Variants in ANKRD55 observed in about 807,000 individuals in gnomAD.
ANKRD55 encodes ankyrin repeat domain-containing protein 55.
ANKRD55 carries 41 observed loss-of-function variants against 60.6 expected under a neutral mutation model. The ratio of observed to expected loss-of-function variants is 0.68; its 90% CI spans 0.53 to 0.88. ANKRD55 has a LOEUF of 0.88. ANKRD55 is among the 40% of genes least tolerant of loss of function. The pLI is 0.00. For missense variants in ANKRD55, 732 were observed against 767.6 expected (o/e 0.95, Z 0.55); for synonymous variants, 264 against 290.3 (o/e 0.91, Z 0.92).
chr5:56,202,944 G>A (rs1561290925), intron 2 of ANKRD55, among the ~76,000 whole-genome samples: 1 of 152,044 alleles, frequency 6.6e-6, no homozygotes, highest in Non-Finnish European at 1.5e-5. Context: ...CTCTTAGAAT[G>A]CACTTTAATA....
At chr5:56,164,174 C>T (rs1017515174) in intron 5 of ANKRD55, among the ~76,000 whole-genome samples, 8 of 152,066 alleles carry the variant, frequency 5.3e-5, no homozygotes, top group African/African-American at 1.9e-4. Flanking sequence ...TCTGGGTCTC[C>T]ACTGATTATC....
intron 9 of ANKRD55, among the ~76,000 whole-genome samples, chr5:56,115,130 T>G (rs1052605411): frequency 2.0e-5 from 3 of 151,272 alleles, no homozygotes; most frequent in African/African-American, 4.9e-5. Flanking sequence ...AGCCCAAGAG[T>G]TCAAGGTTGC....
chr5:56,205,482 T>G (rs1032338500), intron 2 of ANKRD55, among the ~76,000 whole-genome samples: 2 of 152,246 alleles, frequency 1.3e-5, no homozygotes. Flanking sequence ...CACAAGCTAG[T>G]GCGCTCCTTA....
intron 10 of ANKRD55, among the ~76,000 whole-genome samples, chr5:56,107,304 G>A (rs1314630568): frequency 6.6e-6 from 1 of 152,014 alleles, no homozygotes. Context: ...AGAAAAATTG[G>A]TTGAAAAAAA....
chr5:56,169,892 G>A (rs1325645275), intron 5 of ANKRD55, among the ~76,000 whole-genome samples: 1 of 152,196 alleles, frequency 6.6e-6, no homozygotes, highest in Non-Finnish European at 1.5e-5. Context: ...TAGTAGAAAT[G>A]CTGTTAGCAA....
chr5:56,170,910 T>C, intron 4 of ANKRD55, 107 bp from the exon 5 acceptor site: 4 of 1,004,818 alleles, frequency 4.0e-6, no homozygotes, highest in Non-Finnish European at 6.0e-6. Context: ...GTTAAAAACA[T>C]ATTTTATTTG....
chr5:56,106,808 C>CT (rs977397472), intron 10 of ANKRD55, among the ~76,000 whole-genome samples: 1 of 151,866 alleles, frequency 6.6e-6, no homozygotes, highest in Non-Finnish European at 1.5e-5. Context: ...GGGTTCTAGA[C>CT]TAGTCTGGGT....
intron 8 of ANKRD55, 57 bp from the exon 9 acceptor site, chr5:56,116,839 G>A (rs1756902270): frequency 1.4e-6 from 2 of 1,448,480 alleles, no homozygotes; most frequent in South Asian, 1.4e-5. Flanking sequence ...TGTTCAGGCT[G>A]CTTAGCCAGC....
chr5:56,115,403 C>T (rs1361493263), intron 9 of ANKRD55, among the ~76,000 whole-genome samples: 2 of 151,344 alleles, frequency 1.3e-5, no homozygotes, highest in African/African-American at 2.4e-5. Context: ...ACTGCAACCT[C>T]CACCTCCCAG....
At chr5:56,180,663 A>C (rs1298884012) in intron 3 of ANKRD55, among the ~76,000 whole-genome samples, 1 of 152,174 alleles carries the variant, frequency 6.6e-6, no homozygotes, top group Non-Finnish European at 1.5e-5. Context: ...AGTTCTGTAC[A>C]TATTTTATTG....
intron 5 of ANKRD55, among the ~76,000 whole-genome samples, chr5:56,167,383 T>C (rs1758508326): frequency 1.3e-5 from 2 of 152,214 alleles, no homozygotes; most frequent in Admixed American, 6.5e-5. Flanking sequence ...ACAGTAAAAA[T>C]ATGATATAAT....
intron 10 of ANKRD55, among the ~76,000 whole-genome samples, chr5:56,105,597 A>G (rs1265665615): frequency 6.6e-6 from 1 of 152,232 alleles, no homozygotes; most frequent in African/African-American, 2.4e-5. Context: ...AGAAACTGAG[A>G]CATATTCAAG....
chr5:56,173,582 CTATATATA>C (rs1182603115), intron 4 of ANKRD55, among the ~76,000 whole-genome samples: 605 of 45,198 alleles, frequency 0.013, 7 homozygotes, highest in African/African-American at 0.047. Flanking sequence ...CTCTCTCTCT[CTATATATA>C]TATATATATA....
chr5:56,173,578 C>A (rs201587779), intron 4 of ANKRD55, among the ~76,000 whole-genome samples: 14,572 of 68,332 alleles, frequency 0.21, 1,401 homozygotes, highest in Non-Finnish European at 0.23. Context: ...CTCTCTCTCT[C>A]TCTCTATATA....
At chr5:56,154,362 C>CA (rs1758139417) in intron 6 of ANKRD55, among the ~76,000 whole-genome samples, 1 of 151,988 alleles carries the variant, frequency 6.6e-6, no homozygotes, top group African/African-American at 2.4e-5. Context: ...ATTACTTGTT[C>CA]AAAACATTGA....
intron 7 of ANKRD55, among the ~76,000 whole-genome samples, chr5:56,132,424 C>CAAAA (rs34289990): frequency 1.2e-4 from 15 of 120,358 alleles, no homozygotes; most frequent in Admixed American, 3.2e-4. Flanking sequence ...ACTTAAAATA[C>CAAAA]AAAAAAAAAA....
chr5:56,204,758 G>A (rs1759460931), intron 2 of ANKRD55, among the ~76,000 whole-genome samples: 1 of 152,116 alleles, frequency 6.6e-6, no homozygotes, highest in African/African-American at 2.4e-5. Flanking sequence ...ATTTTATGAA[G>A]GATTATGCTA....
chr5:56,102,699 G>A (rs139003677), intron 10 of ANKRD55, 113 bp from the exon 11 acceptor site: 13 of 674,660 alleles, frequency 1.9e-5, no homozygotes, highest in Middle Eastern at 2.5e-4. Context: ...ATTTAAGGTG[G>A]TAACAATAAC....
intron 10 of ANKRD55, among the ~76,000 whole-genome samples, chr5:56,103,723 A>C (rs1756361289): frequency 6.6e-6 from 1 of 152,248 alleles, no homozygotes; most frequent in Non-Finnish European, 1.5e-5. Flanking sequence ...AAAGACCTTA[A>C]CAAAAAAAGA....
Sources: allele counts gnomAD v4.1 joint callset (sites outside exome capture counted in the v4.1 genomes callset), GRCh38; gene constraint gnomAD v4.1.1; transcripts MANE v1.5; gene names NCBI Gene and HGNC (gene_info 2026-07-23, HGNC 2026-07-21).